The following TENM4 variants were observed in gnomAD, a reference collection of about 807,000 sequenced individuals.
TENM4 encodes the protein teneurin transmembrane protein 4.
Under a neutral mutation model 243.3 loss-of-function variants are expected in TENM4, and 82 were observed. The observed-to-expected ratio is 0.34, with a 90% confidence interval of 0.28 to 0.40. TENM4 has a LOEUF of 0.40. TENM4 is among the 10% of genes least tolerant of loss of function. The pLI is 1.00. For missense variants in TENM4, 3,138 were observed against 3,673.3 expected, an observed-to-expected ratio of 0.85 and a Z score of 3.77; for synonymous variants, 1,412 against 1,456.3, an observed-to-expected ratio of 0.97 and a Z score of 0.69.
intron 3 of TENM4, among the ~76,000 whole-genome samples, chr11:79,180,232 C>A (rs374724164): frequency 6.6e-6 from 1 of 151,592 alleles, no homozygotes; most frequent in Non-Finnish European, 1.5e-5. Flanking sequence ...GAACCTCCCC[C>A]GTATTTATGA....
At chr11:79,201,334 C>T (rs181715431) in intron 3 of TENM4, among the ~76,000 whole-genome samples, 18 of 152,200 alleles carry the variant, frequency 1.2e-4, no homozygotes, top group Middle Eastern at 3.4e-3. Flanking sequence ...TCTAGTGATG[C>T]CTCCTTTGGA....
At chr11:79,171,709 T>A (rs1863045125) in intron 3 of TENM4, among the ~76,000 whole-genome samples, 1 of 152,254 alleles carries the variant, frequency 6.6e-6, no homozygotes, top group Admixed American at 6.5e-5. Context: ...TATCCATTTA[T>A]TGCTTGCTGT....
At chr11:78,806,002 T>C (rs1857380880) in intron 14 of TENM4, among the ~76,000 whole-genome samples, 2 of 152,166 alleles carry the variant, frequency 1.3e-5, no homozygotes, top group Non-Finnish European at 2.9e-5. Flanking sequence ...CAAACTTCAC[T>C]TTCCTGGCCA....
At position 78,676,209 on chromosome 11, in the gene TENM4, C is replaced by T; in HGVS notation, c.5439G>A (p.Trp1813Ter). Reference protein sequence around the residue: ...PIDNGLNLVEWRQRKEQARGQ... With the variant: ...PIDNGLNLVE The stretch of plus-strand genomic sequence containing the variant: ...CCCGAGCCTGCTCTTTGCGCTGGCG[C>T]CACTCCACCAGGTTGAGGCCGTTGT... The change falls in exon 30 of 34, where the codon TGG becomes TGA. Residue 1813 changes from tryptophan to a stop codon, truncating the protein, a stop_gained. Coordinates refer to ENST00000278550, the MANE Select transcript of TENM4 (RefSeq NM_001098816.3). LOFTEE classifies it high-confidence loss of function. 6.3e-7 allele frequency: 1 copy of T among 1,584,228 alleles called. No individual in the cohort carries two copies. Among genetic ancestry groups the T allele is most frequent in the Non-Finnish European group, 8.6e-7 (1 of 1,162,662 alleles).
Position 78,755,440 on chromosome 11 carries a change from A to AT in TENM4, c.2756+1364dup, listed in dbSNP as rs1856284213. On this transcript the variant is annotated intron_variant, in intron 19 of 33. Transcript: ENST00000278550. ...CGCCTGAGCCTCCCAGGGTGTTGGG[A>AT]TTACAGGCATGAGCCACTGCGCCCA... Among the ~76,000 whole-genome samples the AT allele has an allele frequency of 2.6e-5, 4 of 152,072 alleles. 1 individual carries two copies. The South Asian group carries it at 8.3e-4, about 32-fold the overall frequency.
intron 2 of TENM4, among the ~76,000 whole-genome samples, chr11:79,230,633 A>G (rs920260121): frequency 6.6e-6 from 1 of 152,218 alleles, no homozygotes; most frequent in Non-Finnish European, 1.5e-5. Flanking sequence ...GGACCTACTG[A>G]AAAACAAATA....
At chr11:78,991,654 C>T (rs965159573) in intron 6 of TENM4, among the ~76,000 whole-genome samples, 1 of 152,216 alleles carries the variant, frequency 6.6e-6, no homozygotes, top group African/African-American at 2.4e-5. Context: ...CCTTGCTCGT[C>T]ACATTTCCCC....
intron 1 of TENM4, among the ~76,000 whole-genome samples, chr11:79,302,891 T>C (rs1464487389): frequency 1.3e-5 from 2 of 152,166 alleles, no homozygotes; most frequent in East Asian, 3.8e-4. Flanking sequence ...ATGTAAGGTG[T>C]TGATGCCCTC....
intron 7 of TENM4, among the ~76,000 whole-genome samples, chr11:78,898,569 T>C (rs956676663): frequency 6.6e-6 from 1 of 152,172 alleles, no homozygotes; most frequent in Admixed American, 6.5e-5. Context: ...CCCTCCTTTC[T>C]GCCCCTCCTC....
intron 4 of TENM4, among the ~76,000 whole-genome samples, chr11:79,111,804 C>G (rs1299647628): frequency 6.6e-6 from 1 of 152,078 alleles, no homozygotes; most frequent in Non-Finnish European, 1.5e-5. Flanking sequence ...CACAGAAGAA[C>G]ATGGGTCATA....
chr11:78,917,336 A>G (rs1037943509), intron 6 of TENM4, among the ~76,000 whole-genome samples: 3 of 152,162 alleles, frequency 2.0e-5, no homozygotes, highest in East Asian at 1.9e-4. Context: ...GCAAGTCACA[A>G]GGCAGCATGG....
chr11:79,078,160 G>A (rs1565194477), intron 4 of TENM4, among the ~76,000 whole-genome samples: 4 of 152,126 alleles, frequency 2.6e-5, no homozygotes, highest in Admixed American at 2.6e-4. Context: ...TTATCACCCC[G>A]GGTTACCTCG....
rs761318240 is a variant in TENM4 at position 78,658,338 on chromosome 11, G to A, written c.8030C>T (p.Thr2677Ile). ...CTCATCCAACGTTGTCCCGTAGCGT[G>A]TGTTCAAGCACAGTGCCCCGTACTG... ...QLQYGALCLN[T>I]RYGTTLDEEK... Residue 2677 changes from threonine (T) to isoleucine (I), a missense_variant, in exon 34 of 34, where the codon ACA (threonine) becomes ATA (isoleucine). By Grantham distance (89) the Thr-to-Ile change is moderately conservative. Coordinates refer to ENST00000278550, the MANE Select transcript of TENM4 (RefSeq NM_001098816.3). 55 of 1,613,634 alleles carry A rather than the reference G, an allele frequency of 3.4e-5. No individual in the cohort carries two copies. Among genetic ancestry groups the A allele is most frequent in the South Asian group, 2.9e-4 (26 of 91,058 alleles).
At chr11:78,798,894 C>A (rs1356518964) in intron 15 of TENM4, among the ~76,000 whole-genome samples, 2 of 152,148 alleles carry the variant, frequency 1.3e-5, no homozygotes, top group Non-Finnish European at 2.9e-5. Flanking sequence ...TGCTCCCAAA[C>A]CCTACTGTAC....
chr11:79,117,638 C>G (rs1355689700), intron 4 of TENM4, among the ~76,000 whole-genome samples: 1 of 152,210 alleles, frequency 6.6e-6, no homozygotes, highest in African/African-American at 2.4e-5. Flanking sequence ...AGTGTAGCTC[C>G]TGGCACATTC....
chr11:79,193,656 C>T (rs562814646), intron 3 of TENM4, among the ~76,000 whole-genome samples: 70 of 152,198 alleles, frequency 4.6e-4, no homozygotes, highest in Non-Finnish European at 8.4e-4. Flanking sequence ...GTCCCTGACA[C>T]TTACCAAAGA....
At chr11:78,801,276 C>T (rs535354512) in intron 15 of TENM4, among the ~76,000 whole-genome samples, 2 of 152,306 alleles carry the variant, frequency 1.3e-5, no homozygotes, top group East Asian at 3.9e-4. Flanking sequence ...CCACCTCCCC[C>T]ACCATCACTA....
Position 79,138,332 on chromosome 11 carries a change from A to T in TENM4, c.-66+10378T>A, listed in dbSNP as rs201069437. Reference sequence around the variant, plus strand: ...CCCTTTATATATATATATATATATTATATATATAATATATAAAAATATATA... The same window carrying T: ...CCCTTTATATATATATATATATATTTTATATATAATATATAAAAATATATA... On this transcript the variant is annotated intron_variant, in intron 4 of 33. Transcript: ENST00000278550. Among the ~76,000 whole-genome samples the T allele has an allele frequency of 8.0e-4, 61 of 75,966 alleles. 2 individuals are homozygous for T. Among genetic ancestry groups the T allele is most frequent in the South Asian group, 2.7e-3 (7 of 2,582 alleles). 49.8% of individuals were successfully genotyped at this position (75,966 alleles called of 152,430 possible).
Position 79,019,641 on chromosome 11 carries a change from T to G in TENM4, c.493+45097A>C, listed in dbSNP as rs140430360. On this transcript the variant is annotated intron_variant, in intron 6 of 33. Coordinates refer to ENST00000278550, the MANE Select transcript of TENM4 (RefSeq NM_001098816.3). ...CAGTGAATATTTATTCATCACCCAC[T>G]ATGCACTGTGTTCTATACCATGTAC... is the stretch of plus-strand genomic sequence containing the variant. Among the ~76,000 whole-genome samples the G allele has an allele frequency of 6.1e-3, 922 of 152,334 alleles. 11 individuals carry two copies. The highest frequency in any genetic ancestry group is 0.021 in the African/African-American group (869 of 41,572).
Sources: allele counts gnomAD v4.1 joint callset (sites outside exome capture counted in the v4.1 genomes callset), GRCh38; gene constraint gnomAD v4.1.1; transcripts MANE v1.5; gene names NCBI Gene and HGNC (gene_info 2026-07-23, HGNC 2026-07-21).